STARD6: variants seen among roughly 807,000 people sequenced by gnomAD.
STARD6 encodes stAR-related lipid transfer protein 6.
In STARD6, 21 loss-of-function variants were observed where a neutral mutation model predicts 22.3. The observed-to-expected ratio is 0.94, with a 90% CI of 0.67 to 1.35. STARD6 has a LOEUF of 1.35. STARD6 is among the 40% of genes most tolerant of loss of function. STARD6 has a pLI of 0.00. For synonymous variants in STARD6, 80 were observed against 88.1 expected, an observed-to-expected ratio of 0.91 and a Z score of 0.52; for missense variants, 269 against 266.9, an observed-to-expected ratio of 1.01 and a Z score of -0.05.
chr18:54,327,966 G>T (rs1470636600), intron 7 of STARD6, among the ~76,000 whole-genome samples: 1 of 152,088 alleles, frequency 6.6e-6, no homozygotes, highest in Non-Finnish European at 1.5e-5. Context: ...TCTGAGTAAT[G>T]TGATGAAATC....
rs745912034 is a variant in STARD6 at position 54,331,767 on chromosome 18, G to C, written c.360C>G (p.Tyr120Ter). ...AACTGATAATGTTCATATTTCCTTCGTAGCGCTTGATGTACACTAAGTCGA... is the reference window on the plus strand; with the variant it reads ...AACTGATAATGTTCATATTTCCTTCCTAGCGCTTGATGTACACTAAGTCGA... ...DFIDLVYIKR[Y>*]EGNMNIISSK... The change falls in exon 6 of 8, where the codon TAC becomes TAG. Residue 120 changes from tyrosine to a stop codon, truncating the protein, a stop_gained. Coordinates refer to ENST00000307844, the MANE Select transcript of STARD6 (RefSeq NM_139171.2). LOFTEE classifies it high-confidence loss of function. 77 of 1,610,182 alleles carry C rather than the reference G, an allele frequency of 4.8e-5. 2 individuals are homozygous for C. The highest frequency in any genetic ancestry group is 2.8e-4 in the Admixed American group (17 of 59,830).
At chr18:54,343,118 A>C (rs2088990996) in intron 4 of STARD6, among the ~76,000 whole-genome samples, 1 of 26,528 alleles carries the variant, frequency 3.8e-5, no homozygotes, top group Non-Finnish European at 7.8e-5. Flanking sequence ...CCACCGCCCC[A>C]TCTGGGATGT....
intron 1 of STARD6, 33 bp downstream of exon 1, chr18:54,357,759 T>C (rs1787823): frequency 0.067 from 10,256 of 152,940 alleles, 391 homozygotes; most frequent in African/African-American, 0.088. Context: ...CATCCCCCCA[T>C]TCCCAGCCCC....
At chr18:54,334,436 ACTTCTC>A (rs2088891745) in intron 5 of STARD6, among the ~76,000 whole-genome samples, 1 of 151,722 alleles carries the variant, frequency 6.6e-6, no homozygotes, top group African/African-American at 2.4e-5. Context: ...GTAGAGCAAA[ACTTCTC>A]CCCCTGACCT....
chr18:54,354,495 C>G lies in STARD6; in HGVS notation c.79G>C (p.Val27Leu). The change falls in exon 3 of 8, where the codon GTT becomes CTT. Residue 27 changes from valine to leucine, a missense_variant. Physicochemically the swap from Val to Leu is conservative, Grantham distance 32 (BLOSUM62 1). Transcript: ENST00000307844. Reference protein sequence around the residue: ...YNRDTSGWKVVKTSKKITVSS... With the variant: ...YNRDTSGWKVLKTSKKITVSS... The stretch of plus-strand genomic sequence containing the variant: ...ACTTATTTTCTTACTGAAGTTTTAA[C>G]CACTTTCCAGCCTGATGTATCTCGA... 1 of 1,612,116 alleles carries G rather than the reference C, an allele frequency of 6.2e-7. No individual in the cohort carries two copies. The highest frequency in any genetic ancestry group is 8.5e-7 in the Non-Finnish European group (1 of 1,179,142).
Position 54,324,833 on chromosome 18 carries a change from T to A in STARD6, c.522A>T (p.Glu174Asp), listed in dbSNP as rs1318646573. Residue 174 changes from glutamate (E) to aspartate (D), a missense_variant, in exon 8 of 8, where the codon GAA (glutamate) becomes GAT (aspartate). By Grantham distance (45) the Glu-to-Asp change is conservative. Coordinates refer to ENST00000307844, the MANE Select transcript of STARD6 (RefSeq NM_139171.2). Reference sequence around the variant, plus strand: ...TTGATGGGGACAATTTTCCTCTCATTTCTGTCTGGACAAACATCACTAGTT... The same window carrying A: ...TTGATGGGGACAATTTTCCTCTCATATCTGTCTGGACAAACATCACTAGTT... The part of the protein sequence containing the change: ...YSKLVMFVQT[E>D]MRGKLSPSII... The A allele has an allele frequency of 6.2e-7, 1 of 1,603,456 alleles. No individual in the cohort carries two copies. Among genetic ancestry groups the A allele is most frequent in the South Asian group, 1.1e-5 (1 of 89,016 alleles).
intron 6 of STARD6, among the ~76,000 whole-genome samples, chr18:54,329,830 C>T (rs1435096776): frequency 6.6e-6 from 1 of 151,216 alleles, no homozygotes; most frequent in African/African-American, 2.4e-5. Context: ...TGGGTGAATA[C>T]TATTCTGCTA....
chr18:54,333,976 A>G (rs1449205634), intron 5 of STARD6, among the ~76,000 whole-genome samples: 2 of 152,136 alleles, frequency 1.3e-5, no homozygotes, highest in Non-Finnish European at 2.9e-5. Context: ...AAATAAAGTT[A>G]TTATTAGCCA....
chr18:54,356,973 AG>A (rs1279943124), intron 1 of STARD6: 2 of 152,374 alleles, frequency 1.3e-5, no homozygotes, highest in Non-Finnish European at 2.9e-5. Flanking sequence ...TCATTTGCTA[AG>A]AGAAAAGGGA....
At chr18:54,343,262 C>T (rs1268851416) in intron 4 of STARD6, among the ~76,000 whole-genome samples, 5,988 of 79,066 alleles carry the variant, frequency 0.076, 968 homozygotes, top group African/African-American at 0.37. Flanking sequence ...CCCCTCCGCC[C>T]GGCAGCTGCC....
chr18:54,341,416 G>A (rs960335436), intron 4 of STARD6, among the ~76,000 whole-genome samples: 3 of 152,042 alleles, frequency 2.0e-5, no homozygotes, highest in African/African-American at 7.2e-5. Flanking sequence ...GAATATTGAA[G>A]ACTTGAACAA....
rs751786826 is a variant in STARD6 at position 54,347,944 on chromosome 18, T to C, written c.140+6110A>G. On this transcript the variant is annotated intron_variant, in intron 4 of 7. Coordinates refer to ENST00000307844, the MANE Select transcript of STARD6 (RefSeq NM_139171.2). ...GACCTGGTGGAAGATAATTGAATCA[T>C]GGAGGCGGTTTCCCCCATATTGTTC... Among the ~76,000 whole-genome samples the C allele has an allele frequency of 9.9e-5, 15 of 152,150 alleles. 1 individual carries two copies. Among genetic ancestry groups the C allele is most frequent in the Non-Finnish European group, 8.8e-5 (6 of 67,978 alleles).
intron 7 of STARD6, among the ~76,000 whole-genome samples, chr18:54,326,427 G>A (rs2088826126): frequency 1.3e-5 from 2 of 150,892 alleles, no homozygotes; most frequent in South Asian, 4.2e-4. Context: ...CGCCTCCCGG[G>A]TTCAAACGAT....
intron 4 of STARD6, among the ~76,000 whole-genome samples, chr18:54,347,919 G>A (rs1301294065): frequency 6.6e-6 from 1 of 152,100 alleles, no homozygotes; most frequent in Non-Finnish European, 1.5e-5. Flanking sequence ...TTGTAGGAGA[G>A]ACCTGGTGGA....
chr18:54,334,109 A>T (rs1018111700), intron 5 of STARD6, among the ~76,000 whole-genome samples: 2 of 152,190 alleles, frequency 1.3e-5, no homozygotes, highest in African/African-American at 4.8e-5. Context: ...CAATTTCATC[A>T]CAATCCAGTT....
Position 54,356,341 on chromosome 18 carries a change from CAG to C in STARD6, c.-5+18_-5+19del, listed in dbSNP as rs1156368085. On this transcript the variant is annotated intron_variant, in intron 2 of 7. Coordinates refer to ENST00000307844, the MANE Select transcript of STARD6 (RefSeq NM_139171.2). ...ATTATTATAACCTCCTCTTTCCTAG[CAG>C]AGTCCTGGTTTCTTTACCTTTCCTG... 6.6e-6 allele frequency: 1 copy of C among 152,166 alleles called. No homozygotes were observed. The highest frequency in any genetic ancestry group is 1.9e-4 in the East Asian group (1 of 5,200). The allele number at this position is 152,166 out of a possible 1,614,324, so 9.4% of individuals were successfully genotyped here.
chr18:54,351,288 G>C (rs192986119), intron 4 of STARD6, among the ~76,000 whole-genome samples: 16 of 152,244 alleles, frequency 1.1e-4, no homozygotes, highest in African/African-American at 3.1e-4. Context: ...GGTCACTGTT[G>C]CTGCATAGCA....
chr18:54,332,619 G>A (rs1290592649), intron 5 of STARD6, among the ~76,000 whole-genome samples: 1 of 152,218 alleles, frequency 6.6e-6, no homozygotes, highest in East Asian at 1.9e-4. Flanking sequence ...TCCTTGGTCT[G>A]TGATTAATGA....
chr18:54,337,225 T>C lies in STARD6; in HGVS notation c.167A>G (p.Glu56Gly), dbSNP rs1268774853. 6.2e-7 allele frequency: 1 copy of C among 1,613,428 alleles called. No homozygotes were observed. Residue 56 changes from glutamate to glycine, a missense_variant, in exon 5 of 8, where the codon GAA (glutamate) becomes GGA (glycine). By Grantham distance (98) the Glu-to-Gly change is moderately conservative. Transcript: ENST00000307844. ...GAAATCAGATAGTTTAGCTGGTGATTCTGGAATTATCCCTTCAACACGATA... is the reference window on the plus strand; with the variant it reads ...GAAATCAGATAGTTTAGCTGGTGATCCTGGAATTATCCCTTCAACACGATA... ...NLYRVEGIIP[E>G]SPAKLSDFLY... is the part of the protein sequence containing the mutation.
Sources: allele counts gnomAD v4.1 joint callset (sites outside exome capture counted in the v4.1 genomes callset), GRCh38; gene constraint gnomAD v4.1.1; transcripts MANE v1.5; gene names NCBI Gene and HGNC (gene_info 2026-07-23, HGNC 2026-07-21).